Variants in PIEZO2 observed in about 807,000 individuals in gnomAD.
The protein encoded by PIEZO2 is piezo-type mechanosensitive ion channel component 2.
Under a neutral mutation model 337.3 loss-of-function variants are expected in PIEZO2, and 172 were observed. The observed-to-expected ratio is 0.51, with a 90% confidence interval of 0.45 to 0.58. The LOEUF (loss-of-function observed/expected upper bound fraction) is 0.58. PIEZO2 is among the 20% of genes least tolerant of loss of function. The pLI is 0.00. For missense variants in PIEZO2, 3,028 were observed against 3,391.3 expected, an observed-to-expected ratio of 0.89 and a Z score of 2.66; for synonymous variants, 1,251 against 1,228.5, an observed-to-expected ratio of 1.02 and a Z score of -0.38.
rs887870964 is a variant in PIEZO2 at position 10,803,903 on chromosome 18, G to C, written c.1172C>G (p.Ala391Gly). The stretch of plus-strand genomic sequence containing the variant: ...TCTCTCATCAGTGGGGTAATGGGTT[G>C]CGTACCACAGGCTCCGCCTCCTCCC... ...TAGRRRSLWY[A>G]THYPTDERKL... Residue 391 changes from alanine to glycine, a missense_variant, in exon 9 of 56, where the codon GCA becomes GGA. This residue lies in a region of PIEZO2 where 542 missense variants were observed against 605.6 expected (regional missense o/e 0.89). Transcript: ENST00000674853. The C allele has an allele frequency of 6.5e-7, 1 of 1,537,294 alleles. No individual in the cohort carries two copies.
intron 3 of PIEZO2, among the ~76,000 whole-genome samples, chr18:10,977,695 A>G (rs936992623): frequency 6.6e-6 from 1 of 152,218 alleles, no homozygotes; most frequent in African/African-American, 2.4e-5. Flanking sequence ...TTTTAATCAA[A>G]CATTAAAATC....
At chr18:10,995,130 A>G (rs2035272334) in intron 2 of PIEZO2, among the ~76,000 whole-genome samples, 1 of 151,364 alleles carries the variant, frequency 6.6e-6, no homozygotes, top group African/African-American at 2.4e-5. Flanking sequence ...ATCCATGCCA[A>G]CATCTATTTT....
At position 10,824,589 on chromosome 18, in the gene PIEZO2, TA is replaced by T. The variant is rs1391589592; in HGVS notation, c.918-17316del. Among the ~76,000 whole-genome samples the T allele has an allele frequency of 2.2e-4, 33 of 152,268 alleles. No homozygotes were observed. Among genetic ancestry groups the T allele is most frequent in the African/African-American group, 7.5e-4 (31 of 41,570 alleles). Reference sequence around the variant, plus strand: ...AATACTATGCATCCATTTAAAATAATAAAAAAATCCATCTATCTATATATCC... The same window carrying T: ...AATACTATGCATCCATTTAAAATAATAAAAAATCCATCTATCTATATATCC... On this transcript the variant is annotated intron_variant, in intron 7 of 55. Transcript: ENST00000674853. The surrounding 1 kb of genome is among the most constrained non-coding windows in gnomAD (Gnocchi z 4.4).
chr18:10,769,170 T>C (rs1315953665), intron 21 of PIEZO2, among the ~76,000 whole-genome samples: 1 of 152,258 alleles, frequency 6.6e-6, no homozygotes, highest in Non-Finnish European at 1.5e-5. Context: ...TGCTTAAATG[T>C]TGGCTCTCAA....
At chr18:10,689,322 C>T (rs1167127050) in intron 49 of PIEZO2, among the ~76,000 whole-genome samples, 3 of 152,212 alleles carry the variant, frequency 2.0e-5, no homozygotes, top group Non-Finnish European at 4.4e-5. Flanking sequence ...AAGCCACCAC[C>T]AGCCCCACTT....
intron 1 of PIEZO2, among the ~76,000 whole-genome samples, chr18:11,098,970 A>ATT (rs34896056): frequency 7.0e-4 from 99 of 140,872 alleles, no homozygotes; most frequent in East Asian, 1.7e-3. Flanking sequence ...TATAATTTAA[A>ATT]TTTTTTTTTT....
chr18:10,859,217 G>A lies in PIEZO2; in HGVS notation c.493-2006C>T, dbSNP rs774603385. ...TGAAAGTCCTGGCAAAGTGCATTCCGGGTGGAGGAAAGAGCTGGTCCAAGG... is the reference window on the plus strand; with the variant it reads ...TGAAAGTCCTGGCAAAGTGCATTCCAGGTGGAGGAAAGAGCTGGTCCAAGG... On this transcript the variant is annotated intron_variant, in intron 5 of 55. Transcript: ENST00000674853. The surrounding 1 kb of genome is among the most constrained non-coding windows in gnomAD (Gnocchi z 4.9). Among the ~76,000 whole-genome samples the A allele has an allele frequency of 5.3e-5, 8 of 152,180 alleles. No homozygotes were observed. Among genetic ancestry groups the A allele is most frequent in the Non-Finnish European group, 1.2e-4 (8 of 68,032 alleles).
intron 43 of PIEZO2, 170 bp downstream of exon 43, chr18:10,701,819 T>G: frequency 4.0e-6 from 2 of 495,172 alleles, no homozygotes; most frequent in Non-Finnish European, 6.4e-6. Flanking sequence ...AACTTAACCT[T>G]TTTCTTTTCT....
At position 11,142,778 on chromosome 18, in the gene PIEZO2, C is replaced by CAA. The variant is rs11290889; in HGVS notation, c.64+5745_64+5746dup. On this transcript the variant is annotated intron_variant, in intron 1 of 55. Transcript: ENST00000674853. Reference sequence around the variant, plus strand: ...CCTAGGCATCAGAGTGAGATTATCGCAAAAAAAAAAAAAAAAAGGACCGGG... The same window carrying CAA: ...CCTAGGCATCAGAGTGAGATTATCGCAAAAAAAAAAAAAAAAAAAGGACCGGG... Among the ~76,000 whole-genome samples, 35 of 116,144 alleles carry CAA rather than the reference C, an allele frequency of 3.0e-4. 1 individual carries two copies. The highest frequency in any genetic ancestry group is 4.6e-4 in the African/African-American group (14 of 30,502). 76.2% of individuals were successfully genotyped at this position (116,144 alleles called of 152,430 possible).
rs980831950 is a variant in PIEZO2, at chr18:10,676,017, G to A, written c.8082-729C>T. Among the ~76,000 whole-genome samples, 1 of 152,120 alleles carries A rather than the reference G, an allele frequency of 6.6e-6. No individual in the cohort carries two copies. The highest frequency in any genetic ancestry group is 1.5e-5 in the Non-Finnish European group (1 of 68,020). ...TTCCTTTATAAATTACCCAGTCTCA[G>A]GTATGTGTTTATTAGCGGTATGAGA... On this transcript the variant is annotated intron_variant, in intron 53 of 55. Transcript: ENST00000674853. The surrounding 1 kb of genome is among the most constrained non-coding windows in gnomAD (Gnocchi z 5.1).
chr18:10,966,697 T>C (rs2034013637), intron 3 of PIEZO2, among the ~76,000 whole-genome samples: 1 of 152,128 alleles, frequency 6.6e-6, no homozygotes, highest in Non-Finnish European at 1.5e-5. Context: ...GTGGTGACTT[T>C]TGAGACTTTG....
chr18:11,148,468 C>T lies in PIEZO2; in HGVS notation c.64+57G>A, dbSNP rs1458308207. ...CCCTTCACTTTGTTAAGAAGTCCCC[C>T]ACCCAGGCGCCCCCCTCGTCCTCCT... On this transcript the variant is annotated intron_variant, in intron 1 of 55. Transcript: ENST00000674853. The surrounding 1 kb of genome is among the most constrained non-coding windows in gnomAD (Gnocchi z 5.2). 18 of 1,519,452 alleles carry T rather than the reference C, an allele frequency of 1.2e-5. No homozygotes were observed. Among genetic ancestry groups the T allele is most frequent in the African/African-American group, 2.8e-5 (2 of 72,618 alleles). 94.1% of individuals were successfully genotyped at this position (1,519,452 alleles called of 1,614,324 possible).
chr18:11,130,191 G>A (rs969626433), intron 1 of PIEZO2, among the ~76,000 whole-genome samples: 5 of 152,200 alleles, frequency 3.3e-5, no homozygotes, highest in Non-Finnish European at 7.3e-5. Flanking sequence ...TCTCCCATTC[G>A]GCCTGTGCAG....
At chr18:10,967,278 A>C (rs761588281) in intron 3 of PIEZO2, among the ~76,000 whole-genome samples, 1 of 152,022 alleles carries the variant, frequency 6.6e-6, no homozygotes, top group Non-Finnish European at 1.5e-5. Context: ...CGGCCTCCCA[A>C]AGTGCTGGGA....
chr18:10,933,885 C>T (rs538708201), intron 3 of PIEZO2, among the ~76,000 whole-genome samples: 13 of 152,334 alleles, frequency 8.5e-5, no homozygotes, highest in Non-Finnish European at 5.9e-5. Flanking sequence ...CCTGCACAAG[C>T]TCCCTCTTGC....
rs557935498 is a variant in PIEZO2, at chr18:11,127,181, T to A, written c.64+21344A>T. Among the ~76,000 whole-genome samples, 1 of 152,128 alleles carries A rather than the reference T, an allele frequency of 6.6e-6. No individual in the cohort carries two copies. The highest frequency in any genetic ancestry group is 2.1e-4 in the South Asian group (1 of 4,802). ...GTGTTGTGACGGTGAGTGACCAGGA[T>A]CAGGTGTTTGAGGGGTGCGGAAAGA... On this transcript the variant is annotated intron_variant, in intron 1 of 55. Transcript: ENST00000674853. The surrounding 1 kb of genome is among the most constrained non-coding windows in gnomAD (Gnocchi z 4.5).
intron 33 of PIEZO2, chr18:10,740,088 T>TAAGATATA (rs11280964): frequency 0.55 from 84,072 of 151,574 alleles, 23,628 homozygotes; most frequent in East Asian, 0.68. Flanking sequence ...AGACATCATG[T>TAAGATATA]AAAGACTGAA....
rs1472702672 is a variant in PIEZO2, at chr18:11,048,839, A to G, written c.160+17288T>C. 6.6e-6 allele frequency among the ~76,000 whole-genome samples: 1 copy of G among 152,202 alleles called. No homozygotes were observed. Among genetic ancestry groups the G allele is most frequent in the Non-Finnish European group, 1.5e-5 (1 of 68,024 alleles). On this transcript the variant is annotated intron_variant, in intron 2 of 55. Coordinates refer to ENST00000674853, the MANE Select transcript of PIEZO2 (RefSeq NM_001378183.1). The surrounding 1 kb of genome is among the most constrained non-coding windows in gnomAD (Gnocchi z 4.5). ...TATAGCTATACTGTGTTTCCTGTTTATTCTTCTTATAATTAATAATCTGCA... is the reference window on the plus strand; with the variant it reads ...TATAGCTATACTGTGTTTCCTGTTTGTTCTTCTTATAATTAATAATCTGCA...
chr18:11,106,568 C>A (rs1225571914), intron 1 of PIEZO2, among the ~76,000 whole-genome samples: 4 of 151,882 alleles, frequency 2.6e-5, no homozygotes, highest in Non-Finnish European at 5.9e-5. Context: ...CACCACCATA[C>A]CAGGATATTT....
Sources: gnomAD v4.1 joint callset for allele counts (sites outside exome capture counted in the v4.1 genomes callset) on GRCh38, gnomAD v4.1.1 for gene constraint, gnomAD v4.1.1 regional missense constraint, Gnocchi (gnomAD v3.1) non-coding constraint, MANE v1.5 for transcripts, NCBI Gene and HGNC (gene_info 2026-07-23, HGNC 2026-07-21) for gene names.